The following RAI1 variants were observed in gnomAD, a reference collection of about 807,000 sequenced individuals.
RAI1 encodes the protein retinoic acid induced 1.
In RAI1, 9 loss-of-function variants were observed where a neutral mutation model predicts 123.8. The observed-to-expected ratio is 0.07, with a 90% CI of 0.04 to 0.13. The LOEUF (loss-of-function observed/expected upper bound fraction) is 0.13. RAI1 is among the 10% of genes least tolerant of loss of function. The pLI is 1.00. For synonymous variants in RAI1, 1,231 were observed against 1,127.3 expected, an observed-to-expected ratio of 1.09 and a Z score of -1.84; for missense variants, 2,256 against 2,545.8, an observed-to-expected ratio of 0.89 and a Z score of 2.45.
At chr17:17,704,826 A>C (rs1415800777) in intron 1 of RAI1, among the ~76,000 whole-genome samples, 1 of 136,288 alleles carries the variant, frequency 7.3e-6, no homozygotes, top group Non-Finnish European at 1.5e-5. Flanking sequence ...CACCCTCCCA[A>C]GCCCGTGGGG....
intron 2 of RAI1, among the ~76,000 whole-genome samples, chr17:17,741,645 C>G (rs111249521): frequency 6.6e-5 from 10 of 152,354 alleles, no homozygotes; most frequent in African/African-American, 2.2e-4. Context: ...CTTTATTGTT[C>G]CTGCCTTTCC....
intron 1 of RAI1, among the ~76,000 whole-genome samples, chr17:17,701,775 C>T (rs1212483570): frequency 6.6e-6 from 1 of 152,170 alleles, no homozygotes; most frequent in Non-Finnish European, 1.5e-5. Context: ...CTCCTTTCTG[C>T]CCCTTCCAGT....
At position 17,794,884 on chromosome 17, in the gene RAI1, C is replaced by G. The variant is rs753807364; in HGVS notation, c.1936C>G (p.His646Asp). Residue 646 changes from histidine to aspartate, a missense_variant, in exon 3 of 6, where the codon CAC becomes GAC. Coordinates refer to ENST00000353383, the MANE Select transcript of RAI1 (RefSeq NM_030665.4). ...CAAGCCACCCTTCTCGCTGGAGAAC[C>G]ACAGCGCCTGCCTGGACTCTGTGGC... ...SSKPPFSLENHSACLDSVAKS... is the reference protein window; with the variant it reads ...SSKPPFSLENDSACLDSVAKS... The G allele has an allele frequency of 6.2e-7, 1 of 1,613,420 alleles. No homozygotes were observed. The highest frequency in any genetic ancestry group is 2.2e-5 in the East Asian group (1 of 44,866).
At chr17:17,766,353 T>G (rs1313450902) in intron 2 of RAI1, 1 of 152,060 alleles carries the variant, frequency 6.6e-6, no homozygotes, top group African/African-American at 2.4e-5. Flanking sequence ...TGTGGGGCGC[T>G]CTATGTAAAT....
chr17:17,749,510 A>G (rs2030068210), intron 2 of RAI1, among the ~76,000 whole-genome samples: 1 of 152,254 alleles, frequency 6.6e-6, no homozygotes, highest in Non-Finnish European at 1.5e-5. Flanking sequence ...TTGAGAGGCT[A>G]TTAGCATGGC....
intron 2 of RAI1, among the ~76,000 whole-genome samples, chr17:17,741,541 C>G (rs1916637025): frequency 6.6e-6 from 1 of 152,234 alleles, no homozygotes. Context: ...GTCCTCGGCT[C>G]TCTGCCCTGG....
chr17:17,795,452 A>G lies in RAI1; in HGVS notation c.2504A>G (p.Asp835Gly). Residue 835 changes from aspartate (D) to glycine (G), a missense_variant, in exon 3 of 6, where the codon GAC becomes GGC. Transcript: ENST00000353383. This position sits in a 1 kb window ranked among gnomAD's most constrained non-coding sequence, Gnocchi z 5.9. ...LLQCPEVAKA[D>G]RWLEDSRHCC... ...CAGTGCCCCGAGGTGGCCAAGGCTGACCGGTGGCTGGAGGACAGCCGGCAC... is the reference window on the plus strand; with the variant it reads ...CAGTGCCCCGAGGTGGCCAAGGCTGGCCGGTGGCTGGAGGACAGCCGGCAC... The G allele has an allele frequency of 6.3e-7, 1 of 1,588,222 alleles. No individual in the cohort carries two copies. Among genetic ancestry groups the G allele is most frequent in the Non-Finnish European group, 8.6e-7 (1 of 1,166,942 alleles).
Position 17,811,261 on chromosome 17 carries a change from A to G in RAI1, c.*1280A>G. 1 of 326,202 alleles carries G rather than the reference A, an allele frequency of 3.1e-6. No individual in the cohort carries two copies. The highest frequency in any genetic ancestry group is 6.0e-6 in the Non-Finnish European group (1 of 167,268). 20.2% of individuals were successfully genotyped at this position (326,202 alleles called of 1,614,324 possible). ...TATATATATGTATACATATACATAT[A>G]TATAATATATATGAAGACTGTAAAT... is the stretch of plus-strand genomic sequence containing the variant. On this transcript the variant is annotated 3_prime_UTR_variant, in exon 6 of 6. Coordinates refer to ENST00000353383, the MANE Select transcript of RAI1 (RefSeq NM_030665.4).
chr17:17,773,196 G>A (rs1567891467), intron 2 of RAI1, among the ~76,000 whole-genome samples: 2 of 152,298 alleles, frequency 1.3e-5, no homozygotes, highest in South Asian at 4.1e-4. Context: ...AGAAAATGGA[G>A]TTCTAAGCCT....
chr17:17,806,575 A>T lies in RAI1; in HGVS notation c.5659+2726A>T, dbSNP rs538557759. 1.2e-4 allele frequency among the ~76,000 whole-genome samples: 18 copies of T among 152,352 alleles called. No homozygotes were observed. The South Asian group carries it at 3.1e-3, about 26-fold the overall frequency. Reference sequence around the variant, plus strand: ...TACTGGCCCTTCCAGGCCCAGCTTCATGTCTCCAGCACCAGCCCTTCATTA... The same window carrying T: ...TACTGGCCCTTCCAGGCCCAGCTTCTTGTCTCCAGCACCAGCCCTTCATTA... On this transcript the variant is annotated intron_variant, in intron 4 of 5. Transcript: ENST00000353383.
chr17:17,686,863 G>A (rs1340287155), intron 1 of RAI1, among the ~76,000 whole-genome samples: 2 of 152,090 alleles, frequency 1.3e-5, no homozygotes, highest in African/African-American at 4.8e-5. Context: ...CGTCTGTCCA[G>A]CAGACAACCC....
intron 1 of RAI1, among the ~76,000 whole-genome samples, chr17:17,722,747 T>G (rs1320064147): frequency 6.6e-6 from 1 of 152,192 alleles, no homozygotes; most frequent in South Asian, 2.1e-4. Context: ...CCTGTGCTTC[T>G]AGGACCGCGG....
rs1237415804 is a variant in RAI1 at position 17,799,593 on chromosome 17, G to T, written c.5565+1080G>T. Among the ~76,000 whole-genome samples the T allele has an allele frequency of 6.6e-6, 1 of 152,136 alleles. No individual in the cohort carries two copies. The highest frequency in any genetic ancestry group is 1.9e-4 in the East Asian group (1 of 5,188). On this transcript the variant is annotated intron_variant, in intron 3 of 5. Coordinates refer to ENST00000353383, the MANE Select transcript of RAI1 (RefSeq NM_030665.4). This position sits in a 1 kb window ranked among gnomAD's most constrained non-coding sequence, Gnocchi z 4.5. ...GTGGGGACGCCTGCAGCCTTCTCTG[G>T]CCCCTGCCCTGAGTCCCATCCCCTC...
At chr17:17,728,045 CTGTG>C (rs143414744) in intron 2 of RAI1, among the ~76,000 whole-genome samples, 1 of 151,226 alleles carries the variant, frequency 6.6e-6, no homozygotes, top group African/African-American at 2.4e-5. Context: ...ATGCGTGCCT[CTGTG>C]TGTGTGTGTG....
Position 17,809,280 on chromosome 17 carries a change from C to A in RAI1, c.5660-110C>A. The A allele has an allele frequency of 1.1e-6, 1 of 908,316 alleles. No individual in the cohort carries two copies. The allele number at this position is 908,316 out of a possible 1,614,324, so 56.3% of individuals were successfully genotyped here. ...ATTAACTCTTTGAAAAGAGCCCCTG[C>A]AGTCTGGAGCCTCGCGGGCAGTGCG... On this transcript the variant is annotated intron_variant, in intron 4 of 5. Transcript: ENST00000353383. This position sits in a 1 kb window ranked among gnomAD's most constrained non-coding sequence, Gnocchi z 4.9.
chr17:17,794,067 C>T lies in RAI1; in HGVS notation c.1119C>T (p.Ser373=), dbSNP rs750303891. ...LMPNLENFPY[S]QQPLSTGAFP... ...CAAACCTGGAGAACTTTCCCTACAG[C>T]CAGCAGCCGCTCAGCACCGGGGCCT... Residue 373 remains serine (S), a synonymous_variant, in exon 3 of 6, where the codon AGC becomes AGT. Transcript: ENST00000353383. The T allele has an allele frequency of 6.2e-7, 1 of 1,614,032 alleles. No individual in the cohort carries two copies. The highest frequency in any genetic ancestry group is 1.1e-5 in the South Asian group (1 of 91,080).
chr17:17,719,454 G>A (rs1418190148), intron 1 of RAI1, among the ~76,000 whole-genome samples: 3 of 152,168 alleles, frequency 2.0e-5, no homozygotes, highest in African/African-American at 7.2e-5. Flanking sequence ...ACAGCTGCAT[G>A]CCTCACTACC....
At chr17:17,737,250 G>A (rs1365295059) in intron 2 of RAI1, among the ~76,000 whole-genome samples, 1 of 152,178 alleles carries the variant, frequency 6.6e-6, no homozygotes, top group Non-Finnish European at 1.5e-5. Context: ...CAGCCTGGCT[G>A]TTTCAAGGCC....
intron 1 of RAI1, among the ~76,000 whole-genome samples, chr17:17,723,141 A>G (rs1915942376): frequency 6.6e-6 from 1 of 151,922 alleles, no homozygotes; most frequent in South Asian, 2.1e-4. Context: ...TGGCCACACA[A>G]CTGCCCTCTG....
Sources: gnomAD v4.1 joint callset for allele counts (sites outside exome capture counted in the v4.1 genomes callset) on GRCh38, gnomAD v4.1.1 for gene constraint, Gnocchi (gnomAD v3.1) non-coding constraint, MANE v1.5 for transcripts, NCBI Gene and HGNC (gene_info 2026-07-23, HGNC 2026-07-21) for gene names.